Variants in PLEKHA6 observed in about 807,000 individuals in gnomAD.
The protein encoded by PLEKHA6 is pleckstrin homology domain-containing family A member 6.
Under a neutral mutation model 116.7 loss-of-function variants are expected in PLEKHA6, and 60 were observed. The ratio of observed to expected loss-of-function variants is 0.51; its 90% confidence interval spans 0.42 to 0.64. The LOEUF (loss-of-function observed/expected upper bound fraction) is 0.64, where lower values mean the gene tolerates loss of function less well. Among genes scored for constraint, PLEKHA6 ranks in the 30% least tolerant of loss-of-function variants. The probability of loss-of-function intolerance (pLI) is 0.00; values close to 1 mark genes in which losing one functional copy is unlikely to be tolerated. For synonymous variants in PLEKHA6, 489 were observed against 556.1 expected, an observed-to-expected ratio of 0.88 and a Z score of 1.70; for missense variants, 1,338 against 1,422.7, an observed-to-expected ratio of 0.94 and a Z score of 0.96.
At chr1:204,236,757 T>C (rs905455955) in intron 17 of PLEKHA6, among the ~76,000 whole-genome samples, 1 of 152,126 alleles carries the variant, frequency 6.6e-6, no homozygotes, top group Non-Finnish European at 1.5e-5. Context: ...CCTACTGCAT[T>C]CCTACTTAAT....
chr1:204,222,020 ATCTCTC>A lies in PLEKHA6; in HGVS notation c.*762_*767del, dbSNP rs66501941. 24 of 133,728 alleles carry A rather than the reference ATCTCTC, an allele frequency of 1.8e-4. No homozygotes were observed. Among genetic ancestry groups the A allele is most frequent in the East Asian group, 4.7e-4 (2 of 4,242 alleles). 8.3% of individuals were successfully genotyped at this position (133,728 alleles called of 1,614,324 possible). A position where few individuals can be genotyped will look rare whatever the true frequency, so the allele number is the denominator to read the frequency against. On this transcript the variant is annotated 3_prime_UTR_variant, in exon 23 of 23. Transcript: ENST00000272203. ...GCTTCCCCCTCCTTCCACTCTGAGG[ATCTCTC>A]TCTCTCTCTCTCTCTCTCTCTCTTT...
chr1:204,220,786 A>G lies in PLEKHA6; in HGVS notation c.*2002T>C, dbSNP rs1659559401. On this transcript the variant is annotated 3_prime_UTR_variant, in exon 23 of 23. Transcript: ENST00000272203. Reference sequence around the variant, plus strand: ...CCATAAAACATATATTAAGGCATGTAAAGCAACATAAAGAGCCAGCTTTAT... The same window carrying G: ...CCATAAAACATATATTAAGGCATGTGAAGCAACATAAAGAGCCAGCTTTAT... The G allele has an allele frequency of 6.6e-6, 1 of 152,624 alleles. No individual in the cohort carries two copies. The highest frequency in any genetic ancestry group is 1.5e-5 in the Non-Finnish European group (1 of 68,034). The allele number at this position is 152,624 out of a possible 1,614,324, so 9.5% of individuals were successfully genotyped here.
chr1:204,246,188 G>T (rs1314966338), intron 13 of PLEKHA6, among the ~76,000 whole-genome samples: 1 of 152,120 alleles, frequency 6.6e-6, no homozygotes, highest in Admixed American at 6.5e-5. Context: ...AGTCTAAAAG[G>T]TAAGACCTCC....
intron 3 of PLEKHA6, among the ~76,000 whole-genome samples, chr1:204,365,249 A>G (rs115174626): frequency 1.2e-3 from 176 of 152,340 alleles, no homozygotes; most frequent in South Asian, 2.3e-3. Context: ...GACGGGTAAC[A>G]TGCAAAGTTT....
At chr1:204,344,437 T>TA in intron 1 of PLEKHA6, among the ~76,000 whole-genome samples, 2 of 151,924 alleles carry the variant, frequency 1.3e-5, no homozygotes, top group South Asian at 4.2e-4. Flanking sequence ...CCGTCTCTAC[T>TA]AAAAATACAA....
At chr1:204,249,586 T>C (rs12041137) in intron 10 of PLEKHA6, among the ~76,000 whole-genome samples, 152,047 of 152,278 alleles carry the variant, frequency 1, 75,909 homozygotes, top group Middle Eastern at 1. Flanking sequence ...ACCTCACCTC[T>C]TAGGCTGGAC....
intron 1 of PLEKHA6, among the ~76,000 whole-genome samples, chr1:204,351,029 G>A (rs1002213124): frequency 2.0e-5 from 3 of 152,226 alleles, no homozygotes; most frequent in Non-Finnish European, 4.4e-5. Context: ...CCTCCTCTCC[G>A]AACGCCAGCT....
At chr1:204,247,327 A>C (rs372132336) in intron 13 of PLEKHA6, 38 bp downstream of exon 13, 5 of 1,298,582 alleles carry the variant, frequency 3.9e-6, no homozygotes, top group African/African-American at 2.9e-5. Flanking sequence ...ATCTTTAGTC[A>C]CATCCCAATC....
At chr1:204,233,420 C>T (rs1351525817) in intron 17 of PLEKHA6, among the ~76,000 whole-genome samples, 2 of 150,194 alleles carry the variant, frequency 1.3e-5, no homozygotes, top group African/African-American at 4.9e-5. Context: ...AGCTGACTGC[C>T]ACCTCTGCCT....
intron 1 of PLEKHA6, among the ~76,000 whole-genome samples, chr1:204,329,014 T>C (rs912685482): frequency 3.3e-5 from 5 of 152,212 alleles, no homozygotes; most frequent in Non-Finnish European, 5.9e-5. Flanking sequence ...ACCCTCTGTG[T>C]TGCACTACTT....
intron 3 of PLEKHA6, among the ~76,000 whole-genome samples, chr1:204,272,697 T>G (rs568541835): frequency 6.6e-6 from 1 of 152,368 alleles, no homozygotes; most frequent in African/African-American, 2.4e-5. Flanking sequence ...TCCATGATTA[T>G]GCACTTCTAC....
intron 1 of PLEKHA6, among the ~76,000 whole-genome samples, chr1:204,327,653 C>T (rs926127282): frequency 2.9e-4 from 44 of 152,238 alleles, no homozygotes; most frequent in Admixed American, 1.9e-3. Context: ...AGCGCTGTGC[C>T]AGGCCCCAGG....
At chr1:204,356,933 C>A (rs1258847049) in intron 1 of PLEKHA6, among the ~76,000 whole-genome samples, 1 of 152,212 alleles carries the variant, frequency 6.6e-6, no homozygotes, top group East Asian at 1.9e-4. Flanking sequence ...ACAGAAAGAG[C>A]CTTATGAACA....
chr1:204,329,064 T>C (rs1672354451), intron 1 of PLEKHA6, among the ~76,000 whole-genome samples: 2 of 152,196 alleles, frequency 1.3e-5, no homozygotes, highest in Non-Finnish European at 2.9e-5. Context: ...GCTATTATTA[T>C]AGAGTTATTG....
intron 1 of PLEKHA6, among the ~76,000 whole-genome samples, chr1:204,286,994 G>A (rs1048892624): frequency 6.6e-6 from 1 of 152,160 alleles, no homozygotes; most frequent in Non-Finnish European, 1.5e-5. Flanking sequence ...ACAGCTGAAA[G>A]CCACAAGGGG....
intron 9 of PLEKHA6, among the ~76,000 whole-genome samples, chr1:204,251,336 G>C (rs953012215): frequency 1.8e-4 from 27 of 152,212 alleles, no homozygotes; most frequent in African/African-American, 6.3e-4. Flanking sequence ...TTGGGAAATG[G>C]GCCTTGGGTT....
chr1:204,273,005 C>T (rs996223741), intron 3 of PLEKHA6, among the ~76,000 whole-genome samples: 4 of 152,176 alleles, frequency 2.6e-5, no homozygotes, highest in Non-Finnish European at 4.4e-5. Flanking sequence ...CTGCTCTTCT[C>T]ACACCACTCA....
intron 9 of PLEKHA6, among the ~76,000 whole-genome samples, chr1:204,252,618 T>C (rs1664710212): frequency 6.6e-6 from 1 of 152,166 alleles, no homozygotes; most frequent in African/African-American, 2.4e-5. Context: ...GGGGTTTCTG[T>C]TCAGAGGGTC....
At chr1:204,332,268 C>T (rs747498294) in intron 1 of PLEKHA6, among the ~76,000 whole-genome samples, 1 of 152,228 alleles carries the variant, frequency 6.6e-6, no homozygotes, top group Non-Finnish European at 1.5e-5. Flanking sequence ...CTGCAAGCCA[C>T]GCCACCTCCC....
Sources: gnomAD v4.1 joint callset for allele counts (sites outside exome capture counted in the v4.1 genomes callset) on GRCh38, gnomAD v4.1.1 for gene constraint, MANE v1.5 for transcripts, NCBI Gene and HGNC (gene_info 2026-07-23, HGNC 2026-07-21) for gene names.